Variants in METTL13 observed in about 807,000 individuals in gnomAD.
METTL13 encodes eEF1A lysine and N-terminal methyltransferase.
In METTL13, 52 loss-of-function variants were observed where a neutral mutation model predicts 67.4. The ratio of observed to expected loss-of-function variants is 0.77; its 90% confidence interval spans 0.62 to 0.97. METTL13 has a LOEUF of 0.97. METTL13 is among the 50% of genes least tolerant of loss of function. The pLI, the probability that METTL13 is intolerant of heterozygous loss-of-function variation, is 0.00. For missense variants in METTL13, 825 were observed against 889.6 expected (o/e 0.93, Z 0.92); for synonymous variants, 354 against 353.6 (o/e 1.00, Z -0.01).
intron 7 of METTL13, 84 bp from the exon 8 acceptor site, chr1:171,796,398 A>T: frequency 2.0e-6 from 3 of 1,509,376 alleles, no homozygotes; most frequent in Non-Finnish European, 2.7e-6. Flanking sequence ...TGGGACAGGA[A>T]TTGGTATTTT....
intron 4 of METTL13, among the ~76,000 whole-genome samples, chr1:171,790,035 G>A (rs1041408943): frequency 7.2e-5 from 11 of 152,186 alleles, no homozygotes; most frequent in African/African-American, 2.7e-4. Context: ...TTCTGCATTT[G>A]GTGAGGCTTC....
chr1:171,782,532 C>A (rs370658715), intron 1 of METTL13, among the ~76,000 whole-genome samples: 1 of 151,620 alleles, frequency 6.6e-6, no homozygotes, highest in South Asian at 2.1e-4. Flanking sequence ...CACGCCACTG[C>A]ACTCCAGCCT....
rs879061587 is a variant in METTL13 at position 171,796,940 on chromosome 1, C to T, written c.*184C>T. The T allele has an allele frequency of 4.1e-6, 3 of 736,036 alleles. No homozygotes were observed. Among genetic ancestry groups the T allele is most frequent in the South Asian group, 1.9e-5 (1 of 52,974 alleles). The allele number at this position is 736,036 out of a possible 1,614,324, so 45.6% of individuals were successfully genotyped here. ...ATTAGGGAAAATAAAAATGTCCTTC[C>T]CATCTTGTCCTCTTCAGTACCACTT... On this transcript the variant is annotated 3_prime_UTR_variant, in exon 8 of 8. Coordinates refer to ENST00000361735, the MANE Select transcript of METTL13 (RefSeq NM_015935.5).
rs530569132 is a variant in METTL13, at chr1:171,788,989, G to T, written c.1309+1059G>T. On this transcript the variant is annotated intron_variant, in intron 4 of 7. Transcript: ENST00000361735. ...TCCCTGGCCAAGAGCACCCAAGATT[G>T]TTGGGTTTCTGCCCTATTGTTTGGT... is the stretch of plus-strand genomic sequence containing the variant. 6.6e-5 allele frequency among the ~76,000 whole-genome samples: 10 copies of T among 152,192 alleles called. No individual in the cohort carries two copies. The South Asian group carries it at 2.1e-3, about 32-fold the overall frequency.
chr1:171,783,155 T>C (rs963329117), intron 1 of METTL13, among the ~76,000 whole-genome samples: 1 of 151,996 alleles, frequency 6.6e-6, no homozygotes, highest in Admixed American at 6.6e-5. Context: ...GCACATCTCT[T>C]TGTACCATGC....
chr1:171,796,539 C>G lies in METTL13; in HGVS notation c.1883C>G (p.Ala628Gly), dbSNP rs775332888. 1 of 1,614,174 alleles carries G rather than the reference C, an allele frequency of 6.2e-7. No individual in the cohort carries two copies. The highest frequency in any genetic ancestry group is 1.1e-5 in the South Asian group (1 of 91,086). ...TTGGGGCTAAAAGACTCAGTGCTGG[C>G]TGGGCTCAAGGCAGTGTTCCCCCTC... ...RDLGLKDSVL[A>G]GLKAVFPLLY... The change falls in exon 8 of 8, where the codon GCT becomes GGT. Residue 628 changes from alanine to glycine, a missense_variant. Transcript: ENST00000361735.
intron 2 of METTL13, 146 bp downstream of exon 2, chr1:171,784,645 G>T: frequency 3.7e-6 from 4 of 1,075,698 alleles, no homozygotes; most frequent in Non-Finnish European, 5.0e-6. Context: ...ACTTCCAGAG[G>T]ATTAGACTAC....
intron 4 of METTL13, among the ~76,000 whole-genome samples, chr1:171,789,774 C>T (rs1657140913): frequency 7.0e-6 from 1 of 143,174 alleles, no homozygotes; most frequent in Admixed American, 7.5e-5. Flanking sequence ...GTGCATTTGC[C>T]ATTTCCTTTT....
Position 171,781,810 on chromosome 1 carries a change from T to A in METTL13, c.-158T>A. 2 of 1,457,352 alleles carry A rather than the reference T, an allele frequency of 1.4e-6. No individual in the cohort carries two copies. Among genetic ancestry groups the A allele is most frequent in the South Asian group, 2.9e-5 (2 of 69,824 alleles). 90.3% of individuals were successfully genotyped at this position (1,457,352 alleles called of 1,614,324 possible). On this transcript the variant is annotated 5_prime_UTR_variant, in exon 1 of 8. Transcript: ENST00000361735. ...GCGTTTGTCGTGTAAGGGTCATTCC[T>A]GGGGTTTGGAGTGGGGGAACAAATC...
At position 171,783,253 on chromosome 1, in the gene METTL13, C is replaced by T. The variant is rs371904192; in HGVS notation, c.154-487C>T. The stretch of plus-strand genomic sequence containing the variant: ...GAGACAACAATCTGAATTTTAAGTT[C>T]GGCTTCAGAAGATAGCCAAATATCA... On this transcript the variant is annotated intron_variant, in intron 1 of 7. Coordinates refer to ENST00000361735, the MANE Select transcript of METTL13 (RefSeq NM_015935.5). Among the ~76,000 whole-genome samples the T allele has an allele frequency of 5.1e-4, 78 of 152,144 alleles. 2 individuals are homozygous for T. The East Asian group carries it at 8.5e-3, about 17-fold the overall frequency.
At chr1:171,790,428 T>A in intron 4 of METTL13, 24 bp from the exon 5 acceptor site, 2 of 1,562,832 alleles carry the variant, frequency 1.3e-6, no homozygotes, top group Non-Finnish European at 1.7e-6. Flanking sequence ...GTACTAAGCA[T>A]AGGGCTTCAT....
intron 3 of METTL13, among the ~76,000 whole-genome samples, chr1:171,787,373 C>T (rs902667749): frequency 6.6e-6 from 1 of 150,832 alleles, no homozygotes; most frequent in African/African-American, 2.4e-5. Flanking sequence ...TAGATTCCTT[C>T]TCATAATCAC....
At position 171,786,223 on chromosome 1, in the gene METTL13, T is replaced by C; in HGVS notation, c.1113+145T>C. On this transcript the variant is annotated intron_variant, in intron 3 of 7. Transcript: ENST00000361735. ...GGGGTATCAGCAGCTAAGGGTTAAA[T>C]GGCAGGGAAACTGTCCTTTGCCCCA... 5.5e-6 allele frequency: 5 copies of C among 911,454 alleles called. No individual in the cohort carries two copies. In the South Asian group the frequency reaches 9.1e-5, roughly 17 times the overall value. The allele number at this position is 911,454 out of a possible 1,614,324, so 56.5% of individuals were successfully genotyped here. A position where few individuals can be genotyped will look rare whatever the true frequency, so the allele number is the denominator to read the frequency against.
intron 6 of METTL13, among the ~76,000 whole-genome samples, chr1:171,793,297 C>T (rs1657265896): frequency 6.6e-6 from 1 of 152,208 alleles, no homozygotes; most frequent in Non-Finnish European, 1.5e-5. Flanking sequence ...TTTAGGTGCC[C>T]AAGCCCAGAT....
In METTL13 at chr1:171,787,830, G is replaced by GC. The variant is rs1657072803; in HGVS notation, c.1210dup (p.Gln404ProfsTer4). On this transcript the variant is annotated frameshift_variant, in exon 4 of 8. Coordinates refer to ENST00000361735, the MANE Select transcript of METTL13 (RefSeq NM_015935.5). LOFTEE classifies it high-confidence loss of function. ...GCGGTGACTATGTCATTGAGGATGT[G>GC]CAAGGGGATGACAAGCGATACTTCC... 6.2e-7 allele frequency: 1 copy of GC among 1,614,082 alleles called. No homozygotes were observed. The highest frequency in any genetic ancestry group is 1.7e-5 in the Admixed American group (1 of 60,014).
chr1:171,785,310 C>T lies in METTL13; in HGVS notation c.914-569C>T, dbSNP rs144134010. Among the ~76,000 whole-genome samples the T allele has an allele frequency of 2.6e-4, 40 of 152,248 alleles. 1 individual carries two copies. The highest frequency in any genetic ancestry group is 2.5e-3 in the South Asian group (12 of 4,826). On this transcript the variant is annotated intron_variant, in intron 2 of 7. Coordinates refer to ENST00000361735, the MANE Select transcript of METTL13 (RefSeq NM_015935.5). Reference sequence around the variant, plus strand: ...TCTTGGTGTTACGGTAATTTGTTTCCTGGTGACTGAGCTAGTTTTTCAAGT... The same window carrying T: ...TCTTGGTGTTACGGTAATTTGTTTCTTGGTGACTGAGCTAGTTTTTCAAGT...
intron 4 of METTL13, among the ~76,000 whole-genome samples, chr1:171,788,932 C>G (rs1462246430): frequency 6.6e-6 from 1 of 152,158 alleles, no homozygotes; most frequent in Non-Finnish European, 1.5e-5. Context: ...AATCAAGTTA[C>G]CCAGCGAAAT....
chr1:171,796,350 ACT>A (rs2124908444), intron 7 of METTL13, 130 bp from the exon 8 acceptor site: 1 of 1,080,288 alleles, frequency 9.3e-7, no homozygotes, highest in Non-Finnish European at 1.4e-6. Context: ...TTCTCTGCAA[ACT>A]CATCACCACC....
At position 171,792,079 on chromosome 1, in the gene METTL13, G is replaced by T. The variant is rs746675028; in HGVS notation, c.1537G>T (p.Asp513Tyr). ...GGGSLPLFVH[D>Y]HFPKSCIDAV... ...GGGCAGCCTCCCCCTCTTTGTCCAC[G>T]ATCATTTTCCAAAGTCCTGCATTGA... The change falls in exon 6 of 8, where the codon GAT becomes TAT. Residue 513 changes from aspartate (D) to tyrosine (Y), a missense_variant. Asp to Tyr is a radical substitution (Grantham distance 160). Coordinates refer to ENST00000361735, the MANE Select transcript of METTL13 (RefSeq NM_015935.5). The T allele has an allele frequency of 8.7e-6, 14 of 1,613,602 alleles. No homozygotes were observed. The highest frequency in any genetic ancestry group is 1.2e-5 in the Non-Finnish European group (14 of 1,180,038).
Sources: allele counts gnomAD v4.1 joint callset (sites outside exome capture counted in the v4.1 genomes callset), GRCh38; gene constraint gnomAD v4.1.1; transcripts MANE v1.5; gene names NCBI Gene and HGNC (gene_info 2026-07-23, HGNC 2026-07-21).